Variants in NMU observed in about 807,000 individuals in gnomAD.
The protein encoded by NMU is neuromedin-U.
Under a neutral mutation model 35.4 loss-of-function variants are expected in NMU, and 29 were observed. The observed-to-expected ratio is 0.82, with a 90% CI of 0.61 to 1.12. NMU has a LOEUF of 1.12. NMU is among the 50% of genes most tolerant of loss of function. The pLI is 0.00. For missense variants in NMU, 199 were observed against 206.2 expected (o/e 0.97, Z 0.21); for synonymous variants, 78 against 81.3 (o/e 0.96, Z 0.22).
chr4:55,604,113 T>C (rs1169612486), intron 7 of NMU, among the ~76,000 whole-genome samples: 2 of 144,876 alleles, frequency 1.4e-5, no homozygotes. Context: ...TCACTCAGGC[T>C]GGAGTGCAGT....
chr4:55,607,491 A>G (rs965028275), intron 4 of NMU, 25 bp from the exon 5 acceptor site: 2 of 790,582 alleles, frequency 2.5e-6, no homozygotes, highest in Non-Finnish European at 4.1e-6. Context: ...TATTGTATAT[A>G]TCATTATATA....
chr4:55,633,228 G>A (rs1715713471), intron 1 of NMU, among the ~76,000 whole-genome samples: 1 of 151,880 alleles, frequency 6.6e-6, no homozygotes, highest in Non-Finnish European at 1.5e-5. Context: ...GGGAGGCTGA[G>A]GCAGGAGAAT....
chr4:55,634,881 C>T (rs1715818162), intron 1 of NMU, among the ~76,000 whole-genome samples: 1 of 150,286 alleles, frequency 6.7e-6, no homozygotes, highest in African/African-American at 2.5e-5. Flanking sequence ...CTTTCTGTCT[C>T]TCTCTCTCTC....
At chr4:55,600,608 A>G (rs1245058017) in intron 7 of NMU, 33 bp from the exon 8 acceptor site, 26 of 1,493,410 alleles carry the variant, frequency 1.7e-5, no homozygotes, top group Non-Finnish European at 2.2e-5. Flanking sequence ...TACAAATCAC[A>G]TAACACTAAA....
At position 55,636,078 on chromosome 4, in the gene NMU, T is replaced by C; in HGVS notation, c.112+3A>G. ...GAAGCGGCCGGGTGCGGGGCCGTCTTACCTCGGCAGGCGCCCGCGCACCAG... is the reference window on the plus strand; with the variant it reads ...GAAGCGGCCGGGTGCGGGGCCGTCTCACCTCGGCAGGCGCCCGCGCACCAG... On this transcript the variant is annotated splice_donor_region_variant and intron_variant, in intron 1 of 9. Transcript: ENST00000264218. This position sits in a 1 kb window ranked among gnomAD's most constrained non-coding sequence, Gnocchi z 4.0. The C allele has an allele frequency of 6.5e-7, 1 of 1,530,920 alleles. No homozygotes were observed. The highest frequency in any genetic ancestry group is 8.7e-7 in the Non-Finnish European group (1 of 1,145,172). The allele number at this position is 1,530,920 out of a possible 1,614,324, so 94.8% of individuals were successfully genotyped here.
chr4:55,608,831 C>CA (rs57331440), intron 4 of NMU, among the ~76,000 whole-genome samples: 3 of 150,404 alleles, frequency 2.0e-5, no homozygotes, highest in East Asian at 1.9e-4. Context: ...TGAGTCAGGG[C>CA]AAAAAAAAGA....
intron 3 of NMU, among the ~76,000 whole-genome samples, chr4:55,612,952 A>G (rs1577948649): frequency 6.6e-6 from 1 of 151,390 alleles, no homozygotes; most frequent in Admixed American, 6.6e-5. Context: ...GTACATATAC[A>G]CCACCGAATA....
intron 6 of NMU, among the ~76,000 whole-genome samples, chr4:55,605,712 G>A (rs929330156): frequency 6.6e-6 from 1 of 152,164 alleles, no homozygotes; most frequent in Non-Finnish European, 1.5e-5. Flanking sequence ...ATTCGGACCA[G>A]GCGAAACCCA....
intron 9 of NMU, among the ~76,000 whole-genome samples, chr4:55,598,091 T>G (rs1217977036): frequency 0.14 from 4,177 of 30,362 alleles, 198 homozygotes; most frequent in African/African-American, 0.3. Context: ...TGGTTGTGGT[T>G]TTTTTTTTTT....
chr4:55,606,930 G>T (rs148092921), intron 6 of NMU, among the ~76,000 whole-genome samples: 1 of 151,886 alleles, frequency 6.6e-6, no homozygotes, highest in African/African-American at 2.4e-5. Flanking sequence ...CTCCCGCCTC[G>T]GCCTCCCAAA....
At chr4:55,633,047 G>A (rs1214304927) in intron 1 of NMU, among the ~76,000 whole-genome samples, 2 of 136,108 alleles carry the variant, frequency 1.5e-5, no homozygotes, top group Non-Finnish European at 3.2e-5. Context: ...TATCCTGGCT[G>A]GGTGCAGTGG....
In NMU at chr4:55,609,041, G is replaced by T. The variant is rs111291646; in HGVS notation, c.279+79C>A. Reference sequence around the variant, plus strand: ...TGTCTTGGCATGCTTCCTAAATTGGGCATATTTTCTTCCAGGAGAAATTCC... The same window carrying T: ...TGTCTTGGCATGCTTCCTAAATTGGTCATATTTTCTTCCAGGAGAAATTCC... On this transcript the variant is annotated intron_variant, in intron 4 of 9. Coordinates refer to ENST00000264218, the MANE Select transcript of NMU (RefSeq NM_006681.4). 5.1e-4 allele frequency: 584 copies of T among 1,155,934 alleles called. 4 individuals are homozygous for T. The African/African-American group carries it at 7.6e-3, about 15-fold the overall frequency. The allele number at this position is 1,155,934 out of a possible 1,614,324, so 71.6% of individuals were successfully genotyped here.
At chr4:55,629,445 C>G (rs891196446) in intron 2 of NMU, among the ~76,000 whole-genome samples, 4 of 151,316 alleles carry the variant, frequency 2.6e-5, no homozygotes, top group Admixed American at 6.6e-5. Flanking sequence ...ATGGTGAAAC[C>G]CCGTCTCTAC....
At chr4:55,636,315 G>T, upstream of NMU, 1 of 1,322,112 alleles carries the variant, frequency 7.6e-7, no homozygotes, top group South Asian at 1.8e-5. This position sits in a 1 kb window ranked among gnomAD's most constrained non-coding sequence, Gnocchi z 4.0. Context: ...CCGGCGAGCC[G>T]CCAACTTTTA....
At chr4:55,627,889 C>T (rs996899285) in intron 2 of NMU, among the ~76,000 whole-genome samples, 1 of 152,248 alleles carries the variant, frequency 6.6e-6, no homozygotes, top group African/African-American at 2.4e-5. Context: ...TAACAAAACT[C>T]TTAGCAAGAC....
intron 2 of NMU, among the ~76,000 whole-genome samples, chr4:55,619,422 G>A (rs1168173817): frequency 1.7e-4 from 20 of 117,928 alleles, no homozygotes; most frequent in South Asian, 1.1e-3. Context: ...CTGGAAAATC[G>A]GGTCACTCCC....
chr4:55,599,584 C>A (rs1733343813), intron 8 of NMU, among the ~76,000 whole-genome samples: 1 of 152,140 alleles, frequency 6.6e-6, no homozygotes, highest in Non-Finnish European at 1.5e-5. Context: ...TTCATTCAAT[C>A]CATTCTCTAA....
chr4:55,607,908 C>G (rs1212453609), intron 4 of NMU, among the ~76,000 whole-genome samples: 1 of 152,132 alleles, frequency 6.6e-6, no homozygotes, highest in African/African-American at 2.4e-5. Context: ...CGGTGGCTTG[C>G]GCCTGTAATC....
chr4:55,617,800 C>G (rs1734168610), intron 2 of NMU, among the ~76,000 whole-genome samples: 1 of 152,250 alleles, frequency 6.6e-6, no homozygotes, highest in Non-Finnish European at 1.5e-5. Flanking sequence ...ATTACCCACT[C>G]CAGGGGAACA....
Sources: gnomAD v4.1 joint callset for allele counts (sites outside exome capture counted in the v4.1 genomes callset) on GRCh38, gnomAD v4.1.1 for gene constraint, Gnocchi (gnomAD v3.1) non-coding constraint, MANE v1.5 for transcripts, NCBI Gene and HGNC (gene_info 2026-07-23, HGNC 2026-07-21) for gene names.